Variants in DDX24 observed in about 807,000 individuals in gnomAD.
DDX24 encodes ATP-dependent RNA helicase DDX24.
A neutral mutation model predicts 68.9 loss-of-function variants in DDX24; 24 were observed. The ratio of observed to expected loss-of-function variants is 0.35; its 90% CI spans 0.25 to 0.49. DDX24 has a LOEUF of 0.49. DDX24 is among the 20% of genes least tolerant of loss of function. DDX24 has a pLI of 0.99. For synonymous variants in DDX24, 395 were observed against 385.2 expected (o/e 1.03, Z -0.30); for missense variants, 989 against 1,039.0 (o/e 0.95, Z 0.66).
intron 2 of DDX24, among the ~76,000 whole-genome samples, chr14:94,066,413 G>A (rs1334470255): frequency 6.6e-6 from 1 of 152,206 alleles, no homozygotes; most frequent in African/African-American, 2.4e-5. Context: ...CACCCTGGTA[G>A]CAGAAGACAA....
rs80071308 is a variant in DDX24 at position 94,062,530 on chromosome 14, G to A, written c.810C>T (p.Thr270=). Residue 270 remains threonine (T), a synonymous_variant, in exon 3 of 9, where the codon ACC becomes ACT. Coordinates refer to ENST00000621632, the MANE Select transcript of DDX24 (RefSeq NM_020414.4). ...TTCTGGTCTCTCCAGGTGGTGCTTC[G>A]GTGTTACTTGGAGGAGGGGCAGCAT... ...KRNAAPPPSN[T]EAPPGETRTE... 6,867 of 1,614,110 alleles carry A rather than the reference G, an allele frequency of 4.3e-3. 33 individuals carry two copies. Among genetic ancestry groups the A allele is most frequent in the Admixed American group, 4.4e-3 (267 of 60,020 alleles).
At chr14:94,063,089 A>G (rs959381756) in intron 2 of DDX24, among the ~76,000 whole-genome samples, 1 of 152,244 alleles carries the variant, frequency 6.6e-6, no homozygotes. Flanking sequence ...CACAGAGTCC[A>G]AATCATCTGG....
At chr14:94,058,668 G>C (rs1885534460) in intron 5 of DDX24, among the ~76,000 whole-genome samples, 1 of 152,140 alleles carries the variant, frequency 6.6e-6, no homozygotes, top group South Asian at 2.1e-4. Flanking sequence ...AAAAGTACTT[G>C]AGGTGCTTCA....
Position 94,060,236 on chromosome 14 carries a change from A to G in DDX24, c.1775T>C (p.Val592Ala). The G allele has an allele frequency of 1.2e-6, 2 of 1,614,210 alleles. No homozygotes were observed. Among genetic ancestry groups the G allele is most frequent in the Non-Finnish European group, 1.7e-6 (2 of 1,180,034 alleles). ...GATGCAGGAGATACTGTTGGCAAAC[A>G]CTAAGCTGCGGCCTGGATACTGCAT... ...FLMQYPGRSL[V>A]FANSISCIKR... is the part of the protein sequence containing the mutation. Residue 592 changes from valine (V) to alanine (A), a missense_variant, in exon 5 of 9, where the codon GTG (valine) becomes GCG (alanine). By Grantham distance (64) the Val-to-Ala change is moderately conservative. This residue lies in a region of DDX24 where 691 missense variants were observed against 760.0 expected (regional missense o/e 0.91). Coordinates refer to ENST00000621632, the MANE Select transcript of DDX24 (RefSeq NM_020414.4).
At chr14:94,053,236 GC>G (rs1173743066) in intron 7 of DDX24, 109 bp from the exon 8 acceptor site, 2 of 1,456,552 alleles carry the variant, frequency 1.4e-6, no homozygotes, top group Non-Finnish European at 1.9e-6. Flanking sequence ...TCACTCTGCT[GC>G]CCAGGCTGGA....
At chr14:94,080,106 T>G (rs959234058) in intron 1 of DDX24, among the ~76,000 whole-genome samples, 7 of 152,224 alleles carry the variant, frequency 4.6e-5, no homozygotes, top group Non-Finnish European at 1.0e-4. Context: ...TTGTACATTT[T>G]ATGTAAATAA....
At position 94,079,362 on chromosome 14, in the gene DDX24, G is replaced by T; in HGVS notation, c.381C>A (p.Ala127=). The T allele has an allele frequency of 1.2e-6, 2 of 1,613,852 alleles. No individual in the cohort carries two copies. The highest frequency in any genetic ancestry group is 2.2e-5 in the South Asian group (2 of 91,060). ...EFEVKDPELE[A]QGDDMVCDDP... is the part of the protein sequence containing the mutation. ...CATCACAAACCATGTCATCTCCCTG[G>T]GCCTCCAGCTCAGGATCTTTCACTT... Residue 127 remains alanine, a synonymous_variant, in exon 2 of 9, where the codon GCC becomes GCA. Transcript: ENST00000621632.
At position 94,049,221 on chromosome 14, in the gene DDX24, G is replaced by A. The variant is rs1165362353; in HGVS notation, c.*1970C>T. The stretch of plus-strand genomic sequence containing the variant: ...GGGCAGGACACGGACAGTCATCAGG[G>A]GATCTATGTTTGGCTTATGGCAAGT... On this transcript the variant is annotated 3_prime_UTR_variant, in exon 9 of 9. Coordinates refer to ENST00000621632, the MANE Select transcript of DDX24 (RefSeq NM_020414.4). 6.6e-6 allele frequency: 1 copy of A among 152,244 alleles called. No homozygotes were observed. The highest frequency in any genetic ancestry group is 1.9e-4 in the East Asian group (1 of 5,196). 9.4% of individuals were successfully genotyped at this position (152,244 alleles called of 1,614,324 possible).
intron 5 of DDX24, among the ~76,000 whole-genome samples, chr14:94,058,992 C>T (rs550426251): frequency 6.6e-6 from 1 of 152,214 alleles, no homozygotes; most frequent in Non-Finnish European, 1.5e-5. Context: ...GTCCTAGCTA[C>T]TTAGGAGGCT....
chr14:94,055,633 T>G, intron 6 of DDX24: 1 of 168,654 alleles, frequency 5.9e-6, no homozygotes. Flanking sequence ...TGGGCCCAGA[T>G]AACATCTAGG....
At chr14:94,075,844 A>C (rs1168354607) in intron 2 of DDX24, among the ~76,000 whole-genome samples, 1 of 152,244 alleles carries the variant, frequency 6.6e-6, no homozygotes, top group Non-Finnish European at 1.5e-5. Context: ...TGGGCAAAAT[A>C]ATCAAACAGA....
chr14:94,056,163 C>G (rs1885488409), intron 6 of DDX24: 1 of 152,210 alleles, frequency 6.6e-6, no homozygotes, highest in African/African-American at 2.4e-5. Context: ...TAGAGATTTG[C>G]TAAACCAAAA....
At chr14:94,070,786 C>T (rs1885812238) in intron 2 of DDX24, among the ~76,000 whole-genome samples, 1 of 152,152 alleles carries the variant, frequency 6.6e-6, no homozygotes, top group South Asian at 2.1e-4. Flanking sequence ...ACAAATGGTG[C>T]CGGGATAACT....
chr14:94,051,229 G>A lies in DDX24; in HGVS notation c.2542C>T (p.Gln848Ter), dbSNP rs770805234. Residue 848 changes from glutamine to a stop codon, truncating the protein, a stop_gained, in exon 9 of 9, where the codon CAG (glutamine) becomes TAG (stop). Coordinates refer to ENST00000621632, the MANE Select transcript of DDX24 (RefSeq NM_020414.4). LOFTEE classifies it high-confidence loss of function. ...GTACTTGGCTGTGGCTGTTCCGGCT[G>A]TGGCTCCTTCGGCTTCTTTGTCTTC... Reference protein sequence around the residue: ...KKKTKKPKEPQPEQPQPSTSA... With the variant: ...KKKTKKPKEP 7.6e-6 allele frequency: 12 copies of A among 1,586,478 alleles called. No homozygotes were observed. The highest frequency in any genetic ancestry group is 1.7e-4 in the Middle Eastern group (1 of 5,866).
rs1446351313 is a variant in DDX24, at chr14:94,049,803, G to A, written c.*1388C>T. On this transcript the variant is annotated 3_prime_UTR_variant, in exon 9 of 9. Transcript: ENST00000621632. ...CCAGCTACTTGGGAGGCTGAGGCGGGAGGACTGCCTGGGCCCAGGAGTGTG... is the reference window on the plus strand; with the variant it reads ...CCAGCTACTTGGGAGGCTGAGGCGGAAGGACTGCCTGGGCCCAGGAGTGTG... 3.3e-5 allele frequency: 5 copies of A among 152,172 alleles called. No individual in the cohort carries two copies. The highest frequency in any genetic ancestry group is 7.3e-5 in the Non-Finnish European group (5 of 68,102). The allele number at this position is 152,172 out of a possible 1,614,324, so 9.4% of individuals were successfully genotyped here.
intron 2 of DDX24, among the ~76,000 whole-genome samples, chr14:94,065,412 G>C (rs1331949001): frequency 1.1e-4 from 9 of 78,296 alleles, no homozygotes; most frequent in Non-Finnish European, 2.1e-4. Flanking sequence ...CACAAATTCA[G>C]TGCCAAAGAA....
intron 5 of DDX24, among the ~76,000 whole-genome samples, chr14:94,059,213 C>A (rs1454731075): frequency 6.6e-6 from 1 of 152,256 alleles, no homozygotes; most frequent in Non-Finnish European, 1.5e-5. Context: ...AAACTAATTA[C>A]CCCATGACCT....
Position 94,060,947 on chromosome 14 carries a change from T to C in DDX24, c.1363A>G (p.Lys455Glu). 6.2e-7 allele frequency: 1 copy of C among 1,614,186 alleles called. No individual in the cohort carries two copies. Among genetic ancestry groups the C allele is most frequent in the Non-Finnish European group, 8.5e-7 (1 of 1,180,030 alleles). The change falls in exon 4 of 9, where the codon AAG (lysine) becomes GAG (glutamate). Residue 455 changes from lysine to glutamate, a missense_variant. Around this residue, in one of 3 missense-constraint regions of DDX24, gnomAD observed 691 missense variants for 760.0 expected, o/e 0.91. Transcript: ENST00000621632. The stretch of plus-strand genomic sequence containing the variant: ...CGAAGGTTCCTCAAATGATAATGCT[T>C]TTCTTTAATTAATTCCCACAGCCGG... ...PGRLWELIKEKHYHLRNLRQL... is the reference protein window; with the variant it reads ...PGRLWELIKEEHYHLRNLRQL...
intron 8 of DDX24, 188 bp from the exon 9 acceptor site, chr14:94,051,650 G>C (rs1885390742): frequency 1.7e-6 from 1 of 603,048 alleles, no homozygotes; most frequent in African/African-American, 1.9e-5. Context: ...CATTTGCAGG[G>C]GATACACAGG....
Sources: gnomAD v4.1 joint callset for allele counts (sites outside exome capture counted in the v4.1 genomes callset) on GRCh38, gnomAD v4.1.1 for gene constraint, gnomAD v4.1.1 regional missense constraint, MANE v1.5 for transcripts, NCBI Gene and HGNC (gene_info 2026-07-23, HGNC 2026-07-21) for gene names.